LRRC4C: variants seen among roughly 807,000 people sequenced by gnomAD.
The protein encoded by LRRC4C is leucine rich repeat containing 4C.
A neutral mutation model predicts 33.6 loss-of-function variants in LRRC4C; 5 were observed. That is an observed-to-expected ratio of 0.15 (90% CI 0.08 to 0.31). LRRC4C has a LOEUF of 0.31. Among genes scored for constraint, LRRC4C ranks in the 10% least tolerant of loss-of-function variants. The probability of loss-of-function intolerance (pLI) is 1.00; values close to 1 mark genes in which losing one functional copy is unlikely to be tolerated. For synonymous variants in LRRC4C, 329 were observed against 302.0 expected (o/e 1.09, Z -0.93); for missense variants, 560 against 796.7 (o/e 0.70, Z 3.58).
chr11:41,400,948 G>T (rs1476927212), intron 1 of LRRC4C, among the ~76,000 whole-genome samples: 1 of 148,154 alleles, frequency 6.7e-6, no homozygotes, highest in African/African-American at 2.6e-5. Flanking sequence ...GGATGAAAAT[G>T]CAACTTTTTT....
intron 6 of LRRC4C, among the ~76,000 whole-genome samples, chr11:40,140,476 AG>A (rs1173604993): frequency 6.6e-6 from 1 of 152,156 alleles, no homozygotes; most frequent in East Asian, 1.9e-4. Context: ...CTGAATGAGG[AG>A]GCACTCACAA....
At chr11:40,896,210 T>C (rs919277571) in intron 2 of LRRC4C, among the ~76,000 whole-genome samples, 3 of 152,200 alleles carry the variant, frequency 2.0e-5, no homozygotes, top group African/African-American at 7.2e-5. Flanking sequence ...CAGCTCAGCA[T>C]AGACCATACC....
chr11:40,185,721 A>C (rs967985014), intron 5 of LRRC4C, among the ~76,000 whole-genome samples: 3 of 152,168 alleles, frequency 2.0e-5, no homozygotes, highest in Non-Finnish European at 4.4e-5. Context: ...AGGGGTGAAG[A>C]AACTTGCTCA....
intron 5 of LRRC4C, among the ~76,000 whole-genome samples, chr11:40,150,207 T>C (rs1858075820): frequency 6.6e-6 from 1 of 152,156 alleles, no homozygotes; most frequent in African/African-American, 2.4e-5. Flanking sequence ...GTATTTGGGG[T>C]CCACCTGGAT....
intron 2 of LRRC4C, among the ~76,000 whole-genome samples, chr11:40,818,550 C>T (rs892133601): frequency 6.6e-6 from 1 of 152,012 alleles, no homozygotes; most frequent in Non-Finnish European, 1.5e-5. Context: ...AGGTTAACTC[C>T]TTTCTCCTAT....
chr11:40,323,632 T>C (rs550043397), intron 3 of LRRC4C, among the ~76,000 whole-genome samples: 1 of 152,216 alleles, frequency 6.6e-6, no homozygotes, highest in East Asian at 1.9e-4. Context: ...CCACAGATTA[T>C]TCTCATGTCT....
intron 3 of LRRC4C, among the ~76,000 whole-genome samples, chr11:40,524,331 A>C (rs1312579617): frequency 6.6e-6 from 1 of 152,192 alleles, no homozygotes; most frequent in Non-Finnish European, 1.5e-5. Context: ...ACAGTAGATG[A>C]AGAGCTAGAA....
rs1394079819 is a variant in LRRC4C at position 40,857,008 on chromosome 11, T to C, written c.-407+76627A>G. Among the ~76,000 whole-genome samples the C allele has an allele frequency of 3.3e-5, 5 of 152,150 alleles. No individual in the cohort carries two copies. The East Asian group carries it at 9.7e-4, about 29-fold the overall frequency. On this transcript the variant is annotated intron_variant, in intron 2 of 6. Transcript: ENST00000528697. ...TAACTAAACATTCAAATCAAACTGTTCATTTTATAGATGAGGCCTAAAGAC... is the reference window on the plus strand; with the variant it reads ...TAACTAAACATTCAAATCAAACTGTCCATTTTATAGATGAGGCCTAAAGAC...
intron 1 of LRRC4C, among the ~76,000 whole-genome samples, chr11:40,973,378 C>T (rs1851867041): frequency 6.6e-6 from 1 of 151,820 alleles, no homozygotes; most frequent in Admixed American, 6.6e-5. Flanking sequence ...ACCAAAAAAA[C>T]AAGAAATATG....
intron 3 of LRRC4C, among the ~76,000 whole-genome samples, chr11:40,399,754 T>TGA (rs1323428466): frequency 1.3e-5 from 2 of 152,058 alleles, no homozygotes. Flanking sequence ...CATCATGTGC[T>TGA]GATGGCTTCT....
At chr11:41,168,223 C>G (rs983444900) in intron 1 of LRRC4C, among the ~76,000 whole-genome samples, 2 of 152,188 alleles carry the variant, frequency 1.3e-5, no homozygotes, top group Admixed American at 1.3e-4. Context: ...CAGCTGCTCT[C>G]AGGACTCTGT....
At chr11:40,504,917 T>C (rs955048806) in intron 3 of LRRC4C, among the ~76,000 whole-genome samples, 2 of 152,162 alleles carry the variant, frequency 1.3e-5, no homozygotes, top group Non-Finnish European at 2.9e-5. Flanking sequence ...GCATTTTCAG[T>C]CCAGAATTGT....
chr11:41,035,148 C>T (rs1392492030), intron 1 of LRRC4C, among the ~76,000 whole-genome samples: 1 of 150,900 alleles, frequency 6.6e-6, no homozygotes, highest in African/African-American at 2.4e-5. Context: ...CGATATTGTG[C>T]CACTGCACTC....
chr11:40,229,832 C>T (rs1404661431), intron 5 of LRRC4C, among the ~76,000 whole-genome samples: 1 of 152,140 alleles, frequency 6.6e-6, no homozygotes, highest in Non-Finnish European at 1.5e-5. Flanking sequence ...GCACCTTACA[C>T]TTATAAGTTA....
chr11:40,343,862 C>T (rs755037883), intron 3 of LRRC4C, among the ~76,000 whole-genome samples: 17 of 151,956 alleles, frequency 1.1e-4, no homozygotes, highest in Non-Finnish European at 2.4e-4. Flanking sequence ...TCAGAGACTA[C>T]TAAGAACACC....
At position 40,115,825 on chromosome 11, in the gene LRRC4C, T is replaced by C; in HGVS notation, c.468A>G (p.Arg156=). 6.2e-7 allele frequency: 1 copy of C among 1,614,168 alleles called. No homozygotes were observed. Among genetic ancestry groups the C allele is most frequent in the Non-Finnish European group, 8.5e-7 (1 of 1,180,032 alleles). Residue 156 remains arginine, a synonymous_variant, in exon 7 of 7, where the codon CGA becomes CGG. Transcript: ENST00000528697. This position sits in a 1 kb window ranked among gnomAD's most constrained non-coding sequence, Gnocchi z 6.7. ...YLSKLKELWL[R]NNPIESIPSY... ...AAGGGATGCTTTCAATGGGGTTGTTTCGCAACCAGAGCTCCTTCAGTTTAG... is the reference window on the plus strand; with the variant it reads ...AAGGGATGCTTTCAATGGGGTTGTTCCGCAACCAGAGCTCCTTCAGTTTAG...
At chr11:41,303,241 G>A (rs1283502464) in intron 1 of LRRC4C, among the ~76,000 whole-genome samples, 2 of 148,808 alleles carry the variant, frequency 1.3e-5, no homozygotes, top group African/African-American at 4.9e-5. Flanking sequence ...GCGATTGCAG[G>A]CACGCGCCGC....
chr11:41,025,726 C>T (rs1030304027), intron 1 of LRRC4C, among the ~76,000 whole-genome samples: 1 of 151,668 alleles, frequency 6.6e-6, no homozygotes, highest in Admixed American at 6.6e-5. Flanking sequence ...AAACAACAGA[C>T]ATTTCGTGTC....
chr11:41,033,956 A>G (rs903348836), intron 1 of LRRC4C, among the ~76,000 whole-genome samples: 2 of 151,990 alleles, frequency 1.3e-5, no homozygotes, highest in African/African-American at 2.4e-5. Context: ...GACAAAAAAT[A>G]AAAGAAAATT....
Sources: allele counts gnomAD v4.1 joint callset (sites outside exome capture counted in the v4.1 genomes callset), GRCh38; gene constraint gnomAD v4.1.1; non-coding constraint Gnocchi (gnomAD v3.1); transcripts MANE v1.5; gene names NCBI Gene and HGNC (gene_info 2026-07-23, HGNC 2026-07-21).